ANKRD13C: variants seen among roughly 807,000 people sequenced by gnomAD.
ANKRD13C encodes ankyrin repeat domain 13C.
A neutral mutation model predicts 65.5 loss-of-function variants in ANKRD13C; 16 were observed. That is an observed-to-expected ratio of 0.24 (90% CI 0.17 to 0.37). The LOEUF (loss-of-function observed/expected upper bound fraction) is 0.37. ANKRD13C is among the 10% of genes least tolerant of loss of function. The pLI is 1.00. For missense variants in ANKRD13C, 503 were observed against 655.9 expected (o/e 0.77, Z 2.55); for synonymous variants, 235 against 238.7 (o/e 0.98, Z 0.14).
chr1:70,289,954 A>G (rs1382068846), intron 9 of ANKRD13C, among the ~76,000 whole-genome samples: 1 of 152,216 alleles, frequency 6.6e-6, no homozygotes, highest in African/African-American at 2.4e-5. Flanking sequence ...CATTCCCGCT[A>G]TTAATTCATC....
Position 70,354,704 on chromosome 1 carries a change from G to T in ANKRD13C, c.-296C>A, listed in dbSNP as rs758072835. 5 of 738,114 alleles carry T rather than the reference G, an allele frequency of 6.8e-6. No individual in the cohort carries two copies. Among genetic ancestry groups the T allele is most frequent in the Non-Finnish European group, 1.1e-5 (5 of 464,374 alleles). The allele number at this position is 738,114 out of a possible 1,614,324, so 45.7% of individuals were successfully genotyped here. On this transcript the variant is annotated 5_prime_UTR_variant, in exon 1 of 13. Coordinates refer to ENST00000370944, the MANE Select transcript of ANKRD13C (RefSeq NM_030816.5). ...TGCCTTACACCGAAAAACAGGGCAC[G>T]GCCATCTTCCTCTTGCTCCTCTCGC...
intron 8 of ANKRD13C, among the ~76,000 whole-genome samples, chr1:70,295,004 T>A (rs1202695593): frequency 6.6e-6 from 1 of 152,084 alleles, no homozygotes; most frequent in Non-Finnish European, 1.5e-5. Context: ...CCTTACTCTT[T>A]TTTTCTTCCT....
chr1:70,289,740 T>C (rs1679779396), intron 9 of ANKRD13C, among the ~76,000 whole-genome samples: 1 of 151,846 alleles, frequency 6.6e-6, no homozygotes, highest in Non-Finnish European at 1.5e-5. Context: ...CTTCCCAAAG[T>C]GCTGGAATTA....
intron 4 of ANKRD13C, among the ~76,000 whole-genome samples, chr1:70,314,608 G>A (rs751625496): frequency 3.9e-5 from 6 of 151,944 alleles, no homozygotes; most frequent in Non-Finnish European, 7.4e-5. Context: ...TATAAGTAGA[G>A]CATTACATAT....
rs1553248050 is a variant in ANKRD13C at position 70,309,732 on chromosome 1, A to ATAAT, written c.710-3443_710-3442insATTA. On this transcript the variant is annotated intron_variant, in intron 5 of 12. Transcript: ENST00000370944. ...CTCCGTCGCAAAAAAAAAAAAAAAA[A>ATAAT]AATAATAATAATAATAATATACAAA... Among the ~76,000 whole-genome samples, 270 of 107,076 alleles carry ATAAT rather than the reference A, an allele frequency of 2.5e-3. 2 individuals are homozygous for ATAAT. Among genetic ancestry groups the ATAAT allele is most frequent in the East Asian group, 8.2e-3 (29 of 3,538 alleles). 70.2% of individuals were successfully genotyped at this position (107,076 alleles called of 152,430 possible).
intron 3 of ANKRD13C, among the ~76,000 whole-genome samples, chr1:70,317,173 T>C (rs761791746): frequency 6.6e-6 from 1 of 152,100 alleles, no homozygotes; most frequent in African/African-American, 2.4e-5. Flanking sequence ...TTCCAATATA[T>C]TTTAAAAAGC....
intron 9 of ANKRD13C, among the ~76,000 whole-genome samples, chr1:70,286,651 T>C (rs1679634347): frequency 6.6e-6 from 1 of 152,164 alleles, no homozygotes; most frequent in Admixed American, 6.6e-5. Flanking sequence ...TATTATCTGA[T>C]GACATAAGCA....
intron 5 of ANKRD13C, 91 bp from the exon 6 acceptor site, chr1:70,306,381 G>T: frequency 1.4e-6 from 1 of 702,986 alleles, no homozygotes; most frequent in South Asian, 2.6e-5. Flanking sequence ...GTGACATTCT[G>T]TTATCAAATT....
At chr1:70,300,986 C>T in intron 6 of ANKRD13C, 78 bp from the exon 7 acceptor site, 3 of 1,463,392 alleles carry the variant, frequency 2.1e-6, no homozygotes, top group South Asian at 1.4e-5. Flanking sequence ...ATAAGCTGTT[C>T]CTTTTAAACT....
At chr1:70,265,653 C>T (rs1678583860) in intron 12 of ANKRD13C, among the ~76,000 whole-genome samples, 1 of 151,096 alleles carries the variant, frequency 6.6e-6, no homozygotes, top group East Asian at 1.9e-4. Context: ...GTTGAGACCC[C>T]ATCTGTACGA....
At chr1:70,339,315 A>ATTTT (rs781339493) in intron 1 of ANKRD13C, among the ~76,000 whole-genome samples, 3 of 127,868 alleles carry the variant, frequency 2.3e-5, no homozygotes, top group African/African-American at 2.9e-5. Flanking sequence ...CTATCATTCC[A>ATTTT]TTTTTTTTTT....
At chr1:70,315,428 C>G in intron 4 of ANKRD13C, 53 bp downstream of exon 4, 1 of 1,471,614 alleles carries the variant, frequency 6.8e-7, no homozygotes, top group Non-Finnish European at 9.3e-7. Context: ...ATGCTTAAAA[C>G]TACACTTATA....
At chr1:70,292,687 C>G in intron 8 of ANKRD13C, 138 bp from the exon 9 acceptor site, 1 of 646,816 alleles carries the variant, frequency 1.5e-6, no homozygotes, top group Non-Finnish European at 2.6e-6. Context: ...AACTATCTTA[C>G]ATTTTCTAGG....
chr1:70,328,163 G>A (rs1160666691), intron 2 of ANKRD13C, among the ~76,000 whole-genome samples: 1 of 151,908 alleles, frequency 6.6e-6, no homozygotes, highest in African/African-American at 2.4e-5. Flanking sequence ...GCATTTGAAT[G>A]TTTGTTGTGA....
intron 2 of ANKRD13C, among the ~76,000 whole-genome samples, chr1:70,334,897 A>G (rs752903055): frequency 2.4e-4 from 36 of 151,900 alleles, no homozygotes; most frequent in Admixed American, 6.6e-5. Context: ...TAAGAGTGAA[A>G]TTCTATCTCA....
rs531874986 is a variant in ANKRD13C at position 70,260,174 on chromosome 1, C to T, written c.*2543G>A. On this transcript the variant is annotated 3_prime_UTR_variant, in exon 13 of 13. Coordinates refer to ENST00000370944, the MANE Select transcript of ANKRD13C (RefSeq NM_030816.5). Reference sequence around the variant, plus strand: ...CAGACAGATGTGACAGTTTCCAAACCATCATCTGTACTTCTTATACTCACA... The same window carrying T: ...CAGACAGATGTGACAGTTTCCAAACTATCATCTGTACTTCTTATACTCACA... 1.3e-5 allele frequency among the ~76,000 whole-genome samples: 2 copies of T among 152,216 alleles called. No homozygotes were observed. Among genetic ancestry groups the T allele is most frequent in the South Asian group, 2.1e-4 (1 of 4,826 alleles).
intron 2 of ANKRD13C, among the ~76,000 whole-genome samples, chr1:70,330,574 CAAAAAAAAA>C (rs71071394): frequency 1.5e-5 from 1 of 68,394 alleles, no homozygotes; most frequent in East Asian, 4.4e-4. Flanking sequence ...ACAAACAAAC[CAAAAAAAAA>C]AAAAAAAAAA....
intron 9 of ANKRD13C, among the ~76,000 whole-genome samples, chr1:70,278,989 T>G (rs958780418): frequency 6.6e-6 from 1 of 151,754 alleles, no homozygotes; most frequent in Admixed American, 6.6e-5. Flanking sequence ...TCCCTTGAGC[T>G]CAGGAGTTTG....
chr1:70,313,817 T>A (rs1441027295), intron 4 of ANKRD13C, 27 bp from the exon 5 acceptor site: 1 of 1,556,406 alleles, frequency 6.4e-7, no homozygotes, highest in African/African-American at 1.4e-5. Context: ...GAATAATTAC[T>A]AAATGCACCT....
Sources: allele counts gnomAD v4.1 joint callset (sites outside exome capture counted in the v4.1 genomes callset), GRCh38; gene constraint gnomAD v4.1.1; transcripts MANE v1.5; gene names NCBI Gene and HGNC (gene_info 2026-07-23, HGNC 2026-07-21).